The following DAB1 variants were observed in gnomAD, a reference collection of about 807,000 sequenced individuals.
DAB1 encodes the protein DAB adaptor protein 1.
Under a neutral mutation model 64.6 loss-of-function variants are expected in DAB1, and 15 were observed. That is an observed-to-expected ratio of 0.23 (90% CI 0.16 to 0.36). The LOEUF is 0.36. Among genes scored for constraint, DAB1 ranks in the 10% least tolerant of loss-of-function variants. The probability of loss-of-function intolerance (pLI) is 1.00; values close to 1 mark genes in which losing one functional copy is unlikely to be tolerated. For synonymous variants in DAB1, 235 were observed against 251.9 expected, an observed-to-expected ratio of 0.93 and a Z score of 0.64; for missense variants, 596 against 706.7, an observed-to-expected ratio of 0.84 and a Z score of 1.78.
intron 4 of DAB1, among the ~76,000 whole-genome samples, chr1:58,257,768 CAGCTGGGGG>C (rs2100413670): frequency 6.6e-6 from 1 of 152,320 alleles, no homozygotes; most frequent in South Asian, 2.1e-4. Flanking sequence ...TCTAATTTTA[CAGCTGGGGG>C]AGCTAAACCT....
intron 9 of DAB1, among the ~76,000 whole-genome samples, chr1:57,056,101 C>A (rs1649726388): frequency 6.6e-6 from 1 of 151,996 alleles, no homozygotes; most frequent in Non-Finnish European, 1.5e-5. Context: ...CTCAAATTCA[C>A]AAAGCTAGAA....
At chr1:58,266,279 T>C (rs112753035) in intron 4 of DAB1, among the ~76,000 whole-genome samples, 54 of 152,328 alleles carry the variant, frequency 3.5e-4, no homozygotes, top group African/African-American at 1.3e-3. Context: ...GTGGTAGGTC[T>C]GAAGGGGCCT....
At chr1:57,465,565 C>T (rs943598790) in intron 7 of DAB1, among the ~76,000 whole-genome samples, 31 of 152,298 alleles carry the variant, frequency 2.0e-4, no homozygotes, top group Admixed American at 5.2e-4. Context: ...TTGGAACTTG[C>T]TTGTGCAAAC....
chr1:57,392,793 C>G (rs1227233439), intron 1 of DAB1, among the ~76,000 whole-genome samples: 1 of 152,142 alleles, frequency 6.6e-6, no homozygotes. Flanking sequence ...GTGACTCAAG[C>G]AATCTGCATG....
At chr1:57,138,410 T>C (rs1016923723) in intron 3 of DAB1, among the ~76,000 whole-genome samples, 4 of 152,122 alleles carry the variant, frequency 2.6e-5, no homozygotes, top group African/African-American at 9.7e-5. Flanking sequence ...ATCCTTTATA[T>C]TGTGTTTTCC....
intron 4 of DAB1, among the ~76,000 whole-genome samples, chr1:58,312,614 T>G (rs1397349765): frequency 6.6e-6 from 1 of 152,170 alleles, no homozygotes; most frequent in Non-Finnish European, 1.5e-5. Flanking sequence ...AACTTATAAG[T>G]GTGAGAGTCA....
chr1:57,494,510 A>G (rs1644206206), intron 7 of DAB1, among the ~76,000 whole-genome samples: 1 of 152,206 alleles, frequency 6.6e-6, no homozygotes, highest in Non-Finnish European at 1.5e-5. Flanking sequence ...CAAAAATGCC[A>G]GTGGAACTGA....
At chr1:57,158,624 T>C (rs1452725678) in intron 2 of DAB1, among the ~76,000 whole-genome samples, 2 of 152,156 alleles carry the variant, frequency 1.3e-5, no homozygotes, top group Non-Finnish European at 2.9e-5. Context: ...TATTTTACTC[T>C]AAATTCTATC....
chr1:57,972,086 T>C (rs1645810241), intron 5 of DAB1, among the ~76,000 whole-genome samples: 1 of 152,216 alleles, frequency 6.6e-6, no homozygotes, highest in South Asian at 2.1e-4. Flanking sequence ...GATACCATTG[T>C]GATTAATAAA....
chr1:57,553,422 G>GAAAAAGAAAAAGAAAGAAAGAAAGAA (rs1452780502), intron 7 of DAB1, among the ~76,000 whole-genome samples: 1 of 18,298 alleles, frequency 5.5e-5, no homozygotes, highest in African/African-American at 9.5e-5. Context: ...AAGAAAGAAA[G>GAAAAAGAAAAAGAAAGAAAGAAAGAA]AAAGAAAGAA....
intron 3 of DAB1, among the ~76,000 whole-genome samples, chr1:58,447,736 T>C (rs1249957137): frequency 6.6e-6 from 1 of 152,108 alleles, no homozygotes; most frequent in African/African-American, 2.4e-5. Flanking sequence ...ACATTTGGAC[T>C]GAGATCTAAA....
chr1:57,057,902 C>T (rs1224764182), intron 9 of DAB1, among the ~76,000 whole-genome samples: 10 of 152,158 alleles, frequency 6.6e-5, no homozygotes, highest in Admixed American at 5.2e-4. Context: ...GCCACCGCGC[C>T]CGGCCTACTG....
At chr1:57,678,761 G>GT (rs143885937) in intron 6 of DAB1, among the ~76,000 whole-genome samples, 54,467 of 135,148 alleles carry the variant, frequency 0.4, 12,491 homozygotes, top group East Asian at 0.69. Context: ...TGAGGCAACT[G>GT]TTTTTTGTTT....
intron 2 of DAB1, among the ~76,000 whole-genome samples, chr1:57,178,808 T>G (rs936202718): frequency 6.6e-6 from 1 of 152,078 alleles, no homozygotes; most frequent in African/African-American, 2.4e-5. Context: ...GAAAAAAATA[T>G]ACAATCACAT....
chr1:57,287,343 G>A (rs1672398901), intron 2 of DAB1, among the ~76,000 whole-genome samples: 1 of 152,174 alleles, frequency 6.6e-6, no homozygotes, highest in South Asian at 2.1e-4. Context: ...CCAAAGAGCT[G>A]AGACTATAGG....
At chr1:58,022,191 A>G (rs750945035) in intron 5 of DAB1, among the ~76,000 whole-genome samples, 13 of 152,204 alleles carry the variant, frequency 8.5e-5, no homozygotes, top group Non-Finnish European at 1.6e-4. Flanking sequence ...GCATTACTCC[A>G]GGGCTTTCCA....
At chr1:57,882,167 G>C (rs185557632) in intron 1 of DAB1, among the ~76,000 whole-genome samples, 2 of 152,198 alleles carry the variant, frequency 1.3e-5, no homozygotes, top group African/African-American at 4.8e-5. Context: ...AAGTCAGTGT[G>C]GGGGTGGGGT....
intron 4 of DAB1, among the ~76,000 whole-genome samples, chr1:58,166,387 A>G (rs1462669370): frequency 6.6e-6 from 1 of 152,152 alleles, no homozygotes; most frequent in Admixed American, 6.5e-5. Context: ...GTTTTCCCAG[A>G]TATTTGTTAC....
At chr1:57,767,794 A>G (rs145258103) in intron 6 of DAB1, among the ~76,000 whole-genome samples, 132 of 152,284 alleles carry the variant, frequency 8.7e-4, no homozygotes, top group African/African-American at 3.1e-3. Context: ...CTGCTCTGAA[A>G]TCAATACCCT....
Sources: gnomAD v4.1 joint callset for allele counts (sites outside exome capture counted in the v4.1 genomes callset) on GRCh38, gnomAD v4.1.1 for gene constraint, MANE v1.5 for transcripts, NCBI Gene and HGNC (gene_info 2026-07-23, HGNC 2026-07-21) for gene names.